LRMDA: variants seen among roughly 807,000 people sequenced by gnomAD.
The protein encoded by LRMDA is leucine rich melanocyte differentiation associated, also known as leucine-rich melanocyte differentiation-associated protein.
A neutral mutation model predicts 29.8 loss-of-function variants in LRMDA; 18 were observed. The ratio of observed to expected loss-of-function variants is 0.60; its 90% CI spans 0.42 to 0.90. The LOEUF (loss-of-function observed/expected upper bound fraction) is 0.90. Ranked by LOEUF, LRMDA falls within the 40% of genes least tolerant of loss-of-function variation. The pLI, the probability that LRMDA is intolerant of heterozygous loss-of-function variation, is 0.00. For missense variants in LRMDA, 273 were observed against 273.9 expected (o/e 1.00, Z 0.02); for synonymous variants, 125 against 109.4 (o/e 1.14, Z -0.89).
intron 6 of LRMDA, among the ~76,000 whole-genome samples, chr10:76,540,563 G>C (rs999086959): frequency 6.6e-6 from 1 of 152,154 alleles, no homozygotes; most frequent in Admixed American, 6.5e-5. Flanking sequence ...CCCATCGTCG[G>C]TGGAATCAAA....
chr10:75,493,911 G>C (rs1315489755), intron 2 of LRMDA, among the ~76,000 whole-genome samples: 3 of 151,974 alleles, frequency 2.0e-5, no homozygotes, highest in African/African-American at 7.3e-5. Flanking sequence ...GTGTGTGTGT[G>C]TGTGTGTAAA....
At chr10:75,789,637 T>C (rs1843532321) in intron 2 of LRMDA, among the ~76,000 whole-genome samples, 1 of 152,262 alleles carries the variant, frequency 6.6e-6, no homozygotes, top group African/African-American at 2.4e-5. Context: ...TTCTTTAGCA[T>C]ATCAGATCCT....
intron 5 of LRMDA, among the ~76,000 whole-genome samples, chr10:76,103,202 T>C (rs1485434572): frequency 1.3e-5 from 2 of 152,234 alleles, no homozygotes; most frequent in Non-Finnish European, 2.9e-5. Flanking sequence ...CTAAAGAGGA[T>C]GATTTTTTTG....
At chr10:75,672,660 CCT>C (rs1841911930) in intron 2 of LRMDA, among the ~76,000 whole-genome samples, 2 of 144,738 alleles carry the variant, frequency 1.4e-5, no homozygotes, top group South Asian at 4.7e-4. Context: ...CTCACTGCCA[CCT>C]CTGCCTCCCT....
At position 76,028,667 on chromosome 10, in the gene LRMDA, A is replaced by C. The variant is rs572041655; in HGVS notation, c.132-7341A>C. ...AAAAAATAAGATCAAAATCCCTAGAATCTACCCATAGAGCAATTTGAGCCA... is the reference window on the plus strand; with the variant it reads ...AAAAAATAAGATCAAAATCCCTAGACTCTACCCATAGAGCAATTTGAGCCA... On this transcript the variant is annotated intron_variant, in intron 2 of 6. Coordinates refer to ENST00000611255, the MANE Select transcript of LRMDA (RefSeq NM_001305581.2). Among the ~76,000 whole-genome samples the C allele has an allele frequency of 1.8e-3, 269 of 152,274 alleles. 1 individual carries two copies. Among genetic ancestry groups the C allele is most frequent in the African/African-American group, 6.3e-3 (261 of 41,558 alleles).
At chr10:75,620,585 C>A (rs766253739) in intron 2 of LRMDA, among the ~76,000 whole-genome samples, 7 of 152,184 alleles carry the variant, frequency 4.6e-5, no homozygotes, top group Non-Finnish European at 8.8e-5. Flanking sequence ...TATATACAGT[C>A]TTGCTCACTT....
chr10:76,527,017 TAAATAAAA>T (rs1317169444), intron 6 of LRMDA, among the ~76,000 whole-genome samples: 20 of 73,258 alleles, frequency 2.7e-4, no homozygotes, highest in African/African-American at 3.7e-4. Flanking sequence ...AATAAATAAA[TAAATAAAA>T]ATGCCCTAAA....
At chr10:75,885,444 G>C (rs1200817839) in intron 2 of LRMDA, among the ~76,000 whole-genome samples, 2 of 152,186 alleles carry the variant, frequency 1.3e-5, no homozygotes, top group Admixed American at 1.3e-4. Flanking sequence ...ATGTTGCAAG[G>C]TCTCTGTGGA....
At chr10:75,524,412 A>T (rs1355705428) in intron 2 of LRMDA, among the ~76,000 whole-genome samples, 3 of 151,794 alleles carry the variant, frequency 2.0e-5, no homozygotes, top group African/African-American at 7.3e-5. Context: ...ATAATGGGGG[A>T]CCAATAAACC....
intron 2 of LRMDA, among the ~76,000 whole-genome samples, chr10:75,631,411 C>CT (rs1052901409): frequency 5.3e-5 from 8 of 151,528 alleles, no homozygotes; most frequent in African/African-American, 1.5e-4. Flanking sequence ...GCACCCCCCC[C>CT]GCCCCGCCAC....
chr10:76,133,437 A>G (rs901726265), intron 5 of LRMDA, among the ~76,000 whole-genome samples: 2 of 152,090 alleles, frequency 1.3e-5, no homozygotes, highest in Non-Finnish European at 2.9e-5. Flanking sequence ...CCTCCCTACC[A>G]GTCCTGGGTG....
intron 5 of LRMDA, among the ~76,000 whole-genome samples, chr10:76,187,418 C>A (rs1589368461): frequency 6.6e-6 from 1 of 152,130 alleles, no homozygotes. Context: ...CAGGACCATT[C>A]TTCTAGTTCA....
In LRMDA at chr10:75,537,617, G is replaced by A. The variant is rs566889797; in HGVS notation, c.131+99123G>A. ...CCGTAAGGATGGAAGTTCAGATCTGGACAAATGTGTAAGGGATTTGCAGAT... is the reference window on the plus strand; with the variant it reads ...CCGTAAGGATGGAAGTTCAGATCTGAACAAATGTGTAAGGGATTTGCAGAT... On this transcript the variant is annotated intron_variant, in intron 2 of 6. Coordinates refer to ENST00000611255, the MANE Select transcript of LRMDA (RefSeq NM_001305581.2). Among the ~76,000 whole-genome samples, 34 of 152,342 alleles carry A rather than the reference G, an allele frequency of 2.2e-4. No homozygotes were observed. The East Asian group carries it at 5.8e-3, about 26-fold the overall frequency.
At position 75,817,562 on chromosome 10, in the gene LRMDA, C is replaced by T. The variant is rs552430732; in HGVS notation, c.132-218446C>T. Among the ~76,000 whole-genome samples the T allele has an allele frequency of 5.3e-5, 8 of 152,228 alleles. No individual in the cohort carries two copies. The East Asian group carries it at 1.5e-3, about 29-fold the overall frequency. On this transcript the variant is annotated intron_variant, in intron 2 of 6. Coordinates refer to ENST00000611255, the MANE Select transcript of LRMDA (RefSeq NM_001305581.2). ...GAGTAATGAAAACTTGAATTTATCC[C>T]TGAAGAAAGAGAAGGCACATAGACA...
intron 5 of LRMDA, among the ~76,000 whole-genome samples, chr10:76,322,997 A>G (rs1011463075): frequency 6.6e-6 from 1 of 152,048 alleles, no homozygotes; most frequent in Non-Finnish European, 1.5e-5. Flanking sequence ...TGGGCTCTAC[A>G]TTCTTGCAGT....
chr10:75,712,386 C>T (rs1003612110), intron 2 of LRMDA, among the ~76,000 whole-genome samples: 14 of 151,006 alleles, frequency 9.3e-5, no homozygotes, highest in African/African-American at 3.4e-4. Flanking sequence ...CGGCTGGGCC[C>T]TCCGTCAGCA....
intron 5 of LRMDA, among the ~76,000 whole-genome samples, chr10:76,182,679 C>G (rs904072446): frequency 6.6e-6 from 1 of 152,084 alleles, no homozygotes; most frequent in Non-Finnish European, 1.5e-5. Context: ...TCTGGTGTCC[C>G]TGACACAAGA....
intron 6 of LRMDA, among the ~76,000 whole-genome samples, chr10:76,339,965 G>T: frequency 3.2e-3 from 1 of 316 alleles, no homozygotes; most frequent in East Asian, 0.062. Flanking sequence ...ATCCATAACT[G>T]ACCCTAAGCA....
chr10:76,149,183 C>T (rs1376168064), intron 5 of LRMDA, among the ~76,000 whole-genome samples: 1 of 152,206 alleles, frequency 6.6e-6, no homozygotes, highest in East Asian at 1.9e-4. Context: ...TCTGTATCTC[C>T]TTTGCACTAA....
Sources: gnomAD v4.1 joint callset for allele counts (sites outside exome capture counted in the v4.1 genomes callset) on GRCh38, gnomAD v4.1.1 for gene constraint, MANE v1.5 for transcripts, NCBI Gene and HGNC (gene_info 2026-07-23, HGNC 2026-07-21) for gene names.